The following GPC5 variants were observed in gnomAD, a reference collection of about 807,000 sequenced individuals.
GPC5 encodes the protein glypican 5, also known as glypican-5.
GPC5 carries 47 observed loss-of-function variants against 53.9 expected under a neutral mutation model. The ratio of observed to expected loss-of-function variants is 0.87; its 90% CI spans 0.69 to 1.11. The LOEUF is 1.11. Ranked by LOEUF, GPC5 falls within the 50% of genes most tolerant of loss-of-function variation. The pLI, the probability that GPC5 is intolerant of heterozygous loss-of-function variation, is 0.00. For missense variants in GPC5, 748 were observed against 713.1 expected, an observed-to-expected ratio of 1.05 and a Z score of -0.56; for synonymous variants, 286 against 263.3, an observed-to-expected ratio of 1.09 and a Z score of -0.84.
intron 5 of GPC5, among the ~76,000 whole-genome samples, chr13:91,795,980 T>C (rs1218628821): frequency 6.6e-6 from 1 of 152,206 alleles, no homozygotes; most frequent in African/African-American, 2.4e-5. Flanking sequence ...CTTCCTTTTG[T>C]TACCGGGGGT....
At chr13:92,754,609 G>C (rs1036657936) in intron 7 of GPC5, among the ~76,000 whole-genome samples, 1 of 151,214 alleles carries the variant, frequency 6.6e-6, no homozygotes, top group Non-Finnish European at 1.5e-5. Flanking sequence ...GACACACATA[G>C]GCTCAAAATA....
chr13:91,612,420 T>A (rs1367160817), intron 2 of GPC5, among the ~76,000 whole-genome samples: 1 of 152,186 alleles, frequency 6.6e-6, no homozygotes, highest in Non-Finnish European at 1.5e-5. Flanking sequence ...CAGTTAAGCC[T>A]CTCCTCACCT....
chr13:92,751,696 T>C (rs1889405191), intron 7 of GPC5, among the ~76,000 whole-genome samples: 2 of 151,944 alleles, frequency 1.3e-5, no homozygotes, highest in Non-Finnish European at 2.9e-5. Flanking sequence ...TGTATACATA[T>C]GTAACAAACC....
At chr13:92,811,361 T>G (rs979861871) in intron 7 of GPC5, among the ~76,000 whole-genome samples, 3 of 152,016 alleles carry the variant, frequency 2.0e-5, no homozygotes, top group Non-Finnish European at 4.4e-5. Context: ...CTTTTTTATT[T>G]GGTTTCCCTA....
At position 91,997,389 on chromosome 13, in the gene GPC5, C is replaced by A. The variant is rs149717721; in HGVS notation, c.1401+89332C>A. On this transcript the variant is annotated intron_variant, in intron 6 of 7. Transcript: ENST00000377067. The stretch of plus-strand genomic sequence containing the variant: ...TTCAACCCTAAAGCTTATTTTCCAT[C>A]AGGTTTTCAGCCTTCTCTTTGTTGG... Among the ~76,000 whole-genome samples the A allele has an allele frequency of 4.2e-3, 647 of 152,306 alleles. 4 individuals carry two copies. Among genetic ancestry groups the A allele is most frequent in the Middle Eastern group, 0.014 (4 of 294 alleles).
chr13:92,342,548 C>T (rs770215161), intron 7 of GPC5, among the ~76,000 whole-genome samples: 1 of 152,006 alleles, frequency 6.6e-6, no homozygotes, highest in African/African-American at 2.4e-5. Context: ...CATAAGTTAC[C>T]GTCTATGAGT....
chr13:92,323,404 G>T (rs758121222), intron 7 of GPC5, among the ~76,000 whole-genome samples: 54 of 150,324 alleles, frequency 3.6e-4, no homozygotes, highest in Non-Finnish European at 7.4e-4. Flanking sequence ...TGTTGTATAT[G>T]TATTTTTCGT....
intron 7 of GPC5, among the ~76,000 whole-genome samples, chr13:92,164,136 G>A (rs186036044): frequency 5.3e-5 from 8 of 152,294 alleles, no homozygotes; most frequent in Non-Finnish European, 8.8e-5. Context: ...TAGGGACTCA[G>A]ACCCAGATCA....
chr13:92,610,965 C>T (rs796250343), intron 7 of GPC5, among the ~76,000 whole-genome samples: 8 of 90,146 alleles, frequency 8.9e-5, no homozygotes, highest in African/African-American at 2.6e-4. Context: ...AATCTCAATA[C>T]ATATTTTTTT....
chr13:92,839,254 C>T (rs770972587), intron 7 of GPC5, among the ~76,000 whole-genome samples: 2 of 152,118 alleles, frequency 1.3e-5, no homozygotes, highest in African/African-American at 4.8e-5. Context: ...AATCAAAATC[C>T]TTCTAGTGAG....
chr13:92,208,550 A>T (rs984235230), intron 7 of GPC5, among the ~76,000 whole-genome samples: 2 of 152,252 alleles, frequency 1.3e-5, no homozygotes, highest in Non-Finnish European at 2.9e-5. Context: ...TAAGGACATT[A>T]TTAGGCTTAA....
intron 2 of GPC5, among the ~76,000 whole-genome samples, chr13:91,643,458 C>G (rs1484383146): frequency 6.6e-6 from 1 of 152,008 alleles, no homozygotes; most frequent in Non-Finnish European, 1.5e-5. Flanking sequence ...AGACTTTGGG[C>G]CCTTTGTATG....
chr13:92,502,311 T>C (rs1253644568), intron 7 of GPC5, among the ~76,000 whole-genome samples: 1 of 151,504 alleles, frequency 6.6e-6, no homozygotes, highest in Non-Finnish European at 1.5e-5. Flanking sequence ...GAATAAAGAT[T>C]GAAAAACAGA....
intron 5 of GPC5, among the ~76,000 whole-genome samples, chr13:91,828,214 AGT>A (rs1160851880): frequency 1.3e-5 from 2 of 152,036 alleles, no homozygotes; most frequent in Admixed American, 1.3e-4. Flanking sequence ...AGATTATGGG[AGT>A]GTGCATTTTC....
At chr13:91,863,813 T>C (rs2039056209) in intron 5 of GPC5, among the ~76,000 whole-genome samples, 1 of 152,146 alleles carries the variant, frequency 6.6e-6, no homozygotes, top group Non-Finnish European at 1.5e-5. Flanking sequence ...AGCCTGGACT[T>C]CTCTCTCCCC....
intron 2 of GPC5, among the ~76,000 whole-genome samples, chr13:91,548,142 A>C (rs1752903461): frequency 6.6e-6 from 1 of 152,178 alleles, no homozygotes; most frequent in Non-Finnish European, 1.5e-5. Flanking sequence ...AAAGGAAAGA[A>C]AAGACATATA....
chr13:91,690,735 C>T (rs1340021542), intron 2 of GPC5, among the ~76,000 whole-genome samples: 1 of 152,096 alleles, frequency 6.6e-6, no homozygotes, highest in Non-Finnish European at 1.5e-5. Flanking sequence ...TTAGAGTTGG[C>T]AGAAATCTGA....
intron 6 of GPC5, among the ~76,000 whole-genome samples, chr13:92,045,833 G>A (rs2138830713): frequency 6.6e-6 from 1 of 152,260 alleles, no homozygotes; most frequent in African/African-American, 2.4e-5. Flanking sequence ...TTGATGCTCA[G>A]GGTATATTCC....
At chr13:92,253,262 T>C (rs2042704443) in intron 7 of GPC5, among the ~76,000 whole-genome samples, 1 of 152,016 alleles carries the variant, frequency 6.6e-6, no homozygotes, top group South Asian at 2.1e-4. Context: ...ACTAGACAAC[T>C]GTGGACTGGG....
Sources: gnomAD v4.1 joint callset for allele counts (sites outside exome capture counted in the v4.1 genomes callset) on GRCh38, gnomAD v4.1.1 for gene constraint, MANE v1.5 for transcripts, NCBI Gene and HGNC (gene_info 2026-07-23, HGNC 2026-07-21) for gene names.